Variants in RNF121 observed in about 807,000 individuals in gnomAD.
RNF121 encodes the protein ring finger protein 121, also known as E3 ubiquitin ligase RNF121.
Under a neutral mutation model 46.5 loss-of-function variants are expected in RNF121, and 21 were observed. The observed-to-expected ratio is 0.45, with a 90% CI of 0.32 to 0.65. The LOEUF (loss-of-function observed/expected upper bound fraction) is 0.65. RNF121 is among the 30% of genes least tolerant of loss of function. The pLI is 0.04. For missense variants in RNF121, 346 were observed against 416.0 expected, an observed-to-expected ratio of 0.83 and a Z score of 1.46; for synonymous variants, 139 against 144.7, an observed-to-expected ratio of 0.96 and a Z score of 0.28.
At chr11:71,956,382 T>C (rs1003480774) in intron 1 of RNF121, among the ~76,000 whole-genome samples, 1 of 152,212 alleles carries the variant, frequency 6.6e-6, no homozygotes, top group African/African-American at 2.4e-5. Flanking sequence ...GAATATAGTA[T>C]TATTCTAGAG....
intron 3 of RNF121, among the ~76,000 whole-genome samples, chr11:71,969,948 A>G (rs1565154166): frequency 1.3e-5 from 2 of 152,238 alleles, no homozygotes; most frequent in Non-Finnish European, 2.9e-5. Context: ...ACTGCAGGAT[A>G]GGATAGAGAC....
At chr11:71,934,098 G>A (rs1368592188) in intron 1 of RNF121, among the ~76,000 whole-genome samples, 1 of 151,924 alleles carries the variant, frequency 6.6e-6, no homozygotes, top group Non-Finnish European at 1.5e-5. Flanking sequence ...GCCCTTTAAA[G>A]TTCTAGCTTG....
intron 4 of RNF121, among the ~76,000 whole-genome samples, chr11:71,986,769 CAAAAAAAAAAAAA>C (rs11315989): frequency 5.6e-5 from 4 of 71,968 alleles, no homozygotes; most frequent in Non-Finnish European, 8.5e-5. Flanking sequence ...ACTCTCATCT[CAAAAAAAAAAAAA>C]AAAAAAAGAA....
intron 1 of RNF121, among the ~76,000 whole-genome samples, chr11:71,953,233 T>C (rs951718760): frequency 5.9e-5 from 9 of 152,138 alleles, no homozygotes; most frequent in African/African-American, 2.2e-4. Context: ...GGGTTCTCGC[T>C]GTGTTACCCA....
intron 1 of RNF121, among the ~76,000 whole-genome samples, chr11:71,944,448 A>G (rs1953665977): frequency 6.6e-6 from 1 of 152,256 alleles, no homozygotes; most frequent in African/African-American, 2.4e-5. Context: ...GCCTTAATCC[A>G]GGCAAGTAGG....
At chr11:71,930,787 G>T (rs1953261400) in intron 1 of RNF121, among the ~76,000 whole-genome samples, 1 of 152,148 alleles carries the variant, frequency 6.6e-6, no homozygotes, top group Non-Finnish European at 1.5e-5. Context: ...ATATGTCAGG[G>T]TTCATTGAGA....
At chr11:71,938,314 A>ATTTTTTTTTTTTTTT (rs71958930) in intron 1 of RNF121, among the ~76,000 whole-genome samples, 1 of 94,926 alleles carries the variant, frequency 1.1e-5, no homozygotes, top group Non-Finnish European at 2.0e-5. Flanking sequence ...TAGTCTCTTA[A>ATTTTTTTTTTTTTTT]TTTTTTTTTT....
intron 3 of RNF121, among the ~76,000 whole-genome samples, chr11:71,961,966 A>AT (rs11399586): frequency 0.84 from 112,390 of 134,202 alleles, 48,041 homozygotes; most frequent in Non-Finnish European, 0.93. Context: ...ATCTGCAAAG[A>AT]TTTTTTTTTT....
At chr11:71,960,036 A>C (rs1009730668) in intron 2 of RNF121, among the ~76,000 whole-genome samples, 1 of 152,214 alleles carries the variant, frequency 6.6e-6, no homozygotes. Context: ...AGCCAAGGGA[A>C]TCACTTGCTG....
At chr11:71,931,398 G>A (rs543060932) in intron 1 of RNF121, among the ~76,000 whole-genome samples, 10 of 152,280 alleles carry the variant, frequency 6.6e-5, no homozygotes, top group African/African-American at 2.2e-4. Context: ...GAGAAAGTAA[G>A]CTCTGAGAAG....
At chr11:71,930,912 A>C (rs1420502783) in intron 1 of RNF121, among the ~76,000 whole-genome samples, 4 of 152,168 alleles carry the variant, frequency 2.6e-5, no homozygotes, top group Non-Finnish European at 5.9e-5. Context: ...AGCTCACCAC[A>C]ACCTCTGCCT....
At chr11:71,970,107 T>C (rs10751192) in intron 3 of RNF121, among the ~76,000 whole-genome samples, 142,870 of 152,220 alleles carry the variant, frequency 0.94, 67,229 homozygotes, top group Non-Finnish European at 0.98. Flanking sequence ...TGAAGACATG[T>C]TAAGTGAAAT....
At position 71,987,048 on chromosome 11, in the gene RNF121, C is replaced by T; in HGVS notation, c.443C>T (p.Ala148Val). 1 of 1,613,884 alleles carries T rather than the reference C, an allele frequency of 6.2e-7. No homozygotes were observed. Among genetic ancestry groups the T allele is most frequent in the East Asian group, 2.2e-5 (1 of 44,878 alleles). ...CTGCTAATCTATAAAATCAGCTATG[C>T]CACTGGCATTGTTGGCTACATGGCT... ...WFLLIYKISYATGIVGYMAVM... is the reference protein window; with the variant it reads ...WFLLIYKISYVTGIVGYMAVM... Residue 148 changes from alanine to valine, a missense_variant, in exon 5 of 9, where the codon GCC becomes GTC. Around this residue, in one of 2 missense-constraint regions of RNF121, gnomAD observed 286 missense variants for 383.8 expected, o/e 0.75. Transcript: ENST00000361756.
chr11:71,982,381 G>T (rs777139205), intron 3 of RNF121, among the ~76,000 whole-genome samples: 2 of 146,630 alleles, frequency 1.4e-5, no homozygotes, highest in African/African-American at 2.5e-5. Context: ...TCCTTTGACT[G>T]TTTAAGGGTT....
intron 1 of RNF121, among the ~76,000 whole-genome samples, 168 bp downstream of exon 1, chr11:71,929,292 G>T (rs1953202453): frequency 6.6e-6 from 1 of 151,940 alleles, no homozygotes; most frequent in African/African-American, 2.4e-5. Context: ...TCCTGACTTG[G>T]GGACTCCGAG....
chr11:71,932,159 G>C (rs983520038), intron 1 of RNF121, among the ~76,000 whole-genome samples: 2 of 152,208 alleles, frequency 1.3e-5, no homozygotes, highest in Non-Finnish European at 2.9e-5. Context: ...AAATAGAAAA[G>C]AGGGTTTAGG....
chr11:71,932,845 G>T (rs1953306265), intron 1 of RNF121, among the ~76,000 whole-genome samples: 1 of 152,212 alleles, frequency 6.6e-6, no homozygotes, highest in South Asian at 2.1e-4. Context: ...AAGAATATTG[G>T]TTTTTCCATA....
intron 1 of RNF121, among the ~76,000 whole-genome samples, chr11:71,937,793 C>T (rs1200767802): frequency 6.6e-6 from 1 of 152,172 alleles, no homozygotes; most frequent in Admixed American, 6.5e-5. Context: ...GTAATCCTGG[C>T]TTTATTTGGT....
intron 1 of RNF121, among the ~76,000 whole-genome samples, chr11:71,934,795 G>C (rs1008799041): frequency 6.6e-6 from 1 of 152,164 alleles, no homozygotes; most frequent in Non-Finnish European, 1.5e-5. Context: ...TTTTATCTCA[G>C]AGACAGCCAT....
Sources: allele counts gnomAD v4.1 joint callset (sites outside exome capture counted in the v4.1 genomes callset), GRCh38; gene constraint gnomAD v4.1.1; regional missense constraint gnomAD v4.1.1; transcripts MANE v1.5; gene names NCBI Gene and HGNC (gene_info 2026-07-23, HGNC 2026-07-21).